IQCB1: variants seen among roughly 807,000 people sequenced by gnomAD.
The protein encoded by IQCB1 is IQ calmodulin-binding motif-containing protein 1.
In IQCB1, 56 loss-of-function variants were observed where a neutral mutation model predicts 84.4. The ratio of observed to expected loss-of-function variants is 0.66; its 90% confidence interval spans 0.54 to 0.83. The LOEUF (loss-of-function observed/expected upper bound fraction) is 0.83, where lower values mean the gene tolerates loss of function less well. Ranked by LOEUF, IQCB1 falls within the 40% of genes least tolerant of loss-of-function variation. IQCB1 has a pLI of 0.00. For missense variants in IQCB1, 629 were observed against 682.1 expected (o/e 0.92, Z 0.87); for synonymous variants, 210 against 234.8 (o/e 0.89, Z 0.96).
At chr3:121,824,074 C>T (rs957590642) in intron 5 of IQCB1, among the ~76,000 whole-genome samples, 5 of 151,996 alleles carry the variant, frequency 3.3e-5, no homozygotes, top group African/African-American at 7.3e-5. Context: ...CCTGACAATA[C>T]GCTATTTAAA....
At chr3:121,823,129 T>C (rs751765117) in intron 5 of IQCB1, among the ~76,000 whole-genome samples, 2 of 152,094 alleles carry the variant, frequency 1.3e-5, no homozygotes, top group Non-Finnish European at 2.9e-5. Context: ...ATTAGCACAT[T>C]AGACACTGTA....
chr3:121,782,222 G>A (rs1037477655), intron 12 of IQCB1, among the ~76,000 whole-genome samples: 2 of 152,136 alleles, frequency 1.3e-5, no homozygotes, highest in East Asian at 1.9e-4. Flanking sequence ...AGAAAAAAGG[G>A]TTCTTAATTC....
intron 12 of IQCB1, among the ~76,000 whole-genome samples, chr3:121,787,061 C>T (rs1035023092): frequency 6.6e-6 from 1 of 152,064 alleles, no homozygotes; most frequent in Non-Finnish European, 1.5e-5. Context: ...ACGTGTGATA[C>T]AGTGATGGTG....
intron 7 of IQCB1, among the ~76,000 whole-genome samples, chr3:121,806,103 T>C (rs989548216): frequency 1.3e-5 from 2 of 152,130 alleles, no homozygotes. Flanking sequence ...TTTTTGTCCT[T>C]TTTTTCAGGT....
chr3:121,811,999 C>A (rs969109598), intron 5 of IQCB1, among the ~76,000 whole-genome samples: 1 of 152,208 alleles, frequency 6.6e-6, no homozygotes, highest in Non-Finnish European at 1.5e-5. Context: ...TGCCTCCAGA[C>A]TGGGAGACAC....
chr3:121,783,284 C>T (rs1948580038), intron 12 of IQCB1, among the ~76,000 whole-genome samples: 1 of 152,010 alleles, frequency 6.6e-6, no homozygotes, highest in South Asian at 2.1e-4. Flanking sequence ...TATTTAGCTC[C>T]ATCTATTTTT....
chr3:121,787,067 T>C (rs767439654), intron 12 of IQCB1, among the ~76,000 whole-genome samples: 11 of 152,174 alleles, frequency 7.2e-5, no homozygotes, highest in Non-Finnish European at 1.3e-4. Flanking sequence ...GATACAGTGA[T>C]GGTGCAGGAT....
intron 8 of IQCB1, among the ~76,000 whole-genome samples, chr3:121,797,810 G>C (rs781081087): frequency 5.9e-5 from 9 of 152,004 alleles, no homozygotes; most frequent in Non-Finnish European, 1.3e-4. Flanking sequence ...ATACATAGTA[G>C]TAGTGAAAGG....
chr3:121,801,816 T>TTTTC (rs1302268777), intron 7 of IQCB1, among the ~76,000 whole-genome samples: 1 of 148,974 alleles, frequency 6.7e-6, no homozygotes, highest in Non-Finnish European at 1.5e-5. Context: ...AGGCCTTTTT[T>TTTTC]TTTTTTTTTT....
intron 10 of IQCB1, among the ~76,000 whole-genome samples, chr3:121,793,907 T>C (rs1460730368): frequency 1.3e-5 from 2 of 152,154 alleles, no homozygotes; most frequent in African/African-American, 4.8e-5. Context: ...TGGGAACTCT[T>C]GTGGGACTAA....
At chr3:121,822,244 TTA>T (rs2108628170) in intron 5 of IQCB1, among the ~76,000 whole-genome samples, 2 of 152,368 alleles carry the variant, frequency 1.3e-5, no homozygotes, top group Admixed American at 1.3e-4. Context: ...TGCCAATTCC[TTA>T]TAATCAAGCA....
intron 9 of IQCB1, 44 bp from the exon 10 acceptor site, chr3:121,795,610 TTAA>T: frequency 2.0e-6 from 2 of 1,025,342 alleles, no homozygotes; most frequent in Non-Finnish European, 2.8e-6. Flanking sequence ...AGGAAGGTCT[TTAA>T]AAAAAAAAAA....
chr3:121,822,767 C>T (rs1950322183), intron 5 of IQCB1, among the ~76,000 whole-genome samples: 1 of 152,078 alleles, frequency 6.6e-6, no homozygotes, highest in South Asian at 2.1e-4. Context: ...TGAAGTAAAC[C>T]TCTCCAAAGA....
intron 13 of IQCB1, 91 bp from the exon 14 acceptor site, chr3:121,772,804 G>A: frequency 8.8e-7 from 1 of 1,138,538 alleles, no homozygotes; most frequent in Middle Eastern, 2.6e-4. Flanking sequence ...CTGCTTAGCT[G>A]TCTCTCATTT....
intron 5 of IQCB1, among the ~76,000 whole-genome samples, chr3:121,811,158 T>C (rs1007677786): frequency 7.9e-5 from 12 of 152,048 alleles, no homozygotes; most frequent in South Asian, 2.1e-4. Flanking sequence ...GAGTGGGGCA[T>C]TGCCTCACCT....
intron 5 of IQCB1, among the ~76,000 whole-genome samples, chr3:121,822,472 A>G (rs1360353282): frequency 6.6e-6 from 1 of 152,208 alleles, no homozygotes; most frequent in African/African-American, 2.4e-5. Flanking sequence ...ACAGAGCTTC[A>G]AAATCTATAT....
At chr3:121,812,529 A>C (rs1409694437) in intron 5 of IQCB1, among the ~76,000 whole-genome samples, 1 of 152,258 alleles carries the variant, frequency 6.6e-6, no homozygotes, top group Non-Finnish European at 1.5e-5. Context: ...CATTGAAAAA[A>C]GGTTAGACAA....
chr3:121,790,418 G>T (rs1212003445), intron 10 of IQCB1, among the ~76,000 whole-genome samples: 2 of 151,768 alleles, frequency 1.3e-5, no homozygotes, highest in African/African-American at 4.8e-5. Flanking sequence ...TTAAAAGTCT[G>T]GAAAAATATT....
At chr3:121,825,966 C>G in intron 5 of IQCB1, 85 bp downstream of exon 5, 12 of 1,247,758 alleles carry the variant, frequency 9.6e-6, no homozygotes, top group Non-Finnish European at 1.4e-5. Context: ...GTACTTTCAG[C>G]CAAATATTGC....
Sources: allele counts gnomAD v4.1 joint callset (sites outside exome capture counted in the v4.1 genomes callset), GRCh38; gene constraint gnomAD v4.1.1; transcripts MANE v1.5; gene names NCBI Gene and HGNC (gene_info 2026-07-23, HGNC 2026-07-21).